The following RELN variants were observed in gnomAD, a reference collection of about 807,000 sequenced individuals.
RELN encodes reelin.
In RELN, 108 loss-of-function variants were observed where a neutral mutation model predicts 427.6. The observed-to-expected ratio is 0.25, with a 90% confidence interval of 0.22 to 0.30. RELN has a LOEUF of 0.30. Ranked by LOEUF, RELN falls within the 10% of genes least tolerant of loss-of-function variation. RELN has a pLI of 1.00. For missense variants in RELN, 3,715 were observed against 4,302.8 expected (o/e 0.86, Z 3.82); for synonymous variants, 1,524 against 1,513.4 (o/e 1.01, Z -0.16).
chr7:103,525,108 G>GTC (rs940900310), intron 46 of RELN, among the ~76,000 whole-genome samples: 2 of 151,846 alleles, frequency 1.3e-5, no homozygotes, highest in Admixed American at 6.6e-5. Context: ...CTCTGTCTCT[G>GTC]TCTCTCTCTC....
intron 42 of RELN, among the ~76,000 whole-genome samples, chr7:103,544,431 T>C (rs1255291098): frequency 6.6e-6 from 1 of 151,838 alleles, no homozygotes; most frequent in Non-Finnish European, 1.5e-5. Flanking sequence ...TTCACCACGT[T>C]GGCCAGGCTG....
At chr7:103,492,756 G>A (rs1006779160) in intron 57 of RELN, among the ~76,000 whole-genome samples, 2 of 152,192 alleles carry the variant, frequency 1.3e-5, no homozygotes, top group South Asian at 2.1e-4. Flanking sequence ...AAAGGAGATA[G>A]TATTTGATTC....
chr7:103,895,903 G>T (rs2116604683), intron 2 of RELN, among the ~76,000 whole-genome samples: 1 of 152,032 alleles, frequency 6.6e-6, no homozygotes, highest in African/African-American at 2.4e-5. Context: ...AAAAGAATAG[G>T]CAAGCCATGA....
chr7:103,481,029 G>T (rs1051281575), intron 63 of RELN, among the ~76,000 whole-genome samples: 5 of 152,174 alleles, frequency 3.3e-5, no homozygotes, highest in African/African-American at 1.2e-4. Flanking sequence ...GGTGCTGTGT[G>T]CTGAGGCTTC....
chr7:103,605,231 G>A (rs564082972), intron 22 of RELN, among the ~76,000 whole-genome samples: 16 of 152,276 alleles, frequency 1.1e-4, no homozygotes, highest in Middle Eastern at 6.8e-3. Flanking sequence ...CAGCTAGTTC[G>A]TAATATAAGA....
In RELN at chr7:103,572,245, A is replaced by G; in HGVS notation, c.4527T>C (p.Tyr1509=). 2 of 1,574,536 alleles carry G rather than the reference A, an allele frequency of 1.3e-6. No individual in the cohort carries two copies. The highest frequency in any genetic ancestry group is 2.2e-5 in the East Asian group (1 of 44,628). Residue 1509 remains tyrosine, a synonymous_variant, in exon 31 of 65, where the codon TAT becomes TAC. Coordinates refer to ENST00000428762, the MANE Select transcript of RELN (RefSeq NM_005045.4). The stretch of plus-strand genomic sequence containing the variant: ...CTGAAGTTTTGCTTCCAATTTGTAT[A>G]TAAAATTGAACAAGTCTGGGGAATA... ...DTRNIRLVQF[Y]IQIGSKTSGI...
rs993611049 is a variant in RELN, at chr7:103,603,784, G to C, written c.3147-294C>G. On this transcript the variant is annotated intron_variant, in intron 23 of 64. Transcript: ENST00000428762. The surrounding 1 kb of genome is among the most constrained non-coding windows in gnomAD (Gnocchi z 4.3). Reference sequence around the variant, plus strand: ...TGTGCTTATGTGAGTGTGTGTTTGTGGGGGGCTGAGGGATAGTGGGATTTC... The same window carrying C: ...TGTGCTTATGTGAGTGTGTGTTTGTCGGGGGCTGAGGGATAGTGGGATTTC... Among the ~76,000 whole-genome samples the C allele has an allele frequency of 6.6e-6, 1 of 152,138 alleles. No homozygotes were observed. Among genetic ancestry groups the C allele is most frequent in the South Asian group, 2.1e-4 (1 of 4,828 alleles).
intron 6 of RELN, among the ~76,000 whole-genome samples, chr7:103,743,524 C>A (rs202134710): frequency 6.6e-6 from 1 of 152,088 alleles, no homozygotes; most frequent in Non-Finnish European, 1.5e-5. Context: ...ACCCATCTCA[C>A]GTGCAGAGAC....
intron 2 of RELN, among the ~76,000 whole-genome samples, chr7:103,846,058 C>G (rs1793667347): frequency 6.6e-6 from 1 of 151,980 alleles, no homozygotes; most frequent in Admixed American, 6.6e-5. Flanking sequence ...TTGACTTTCT[C>G]CACAGAATTA....
chr7:103,733,920 C>T (rs1790425568), intron 6 of RELN, among the ~76,000 whole-genome samples: 1 of 128,974 alleles, frequency 7.8e-6, no homozygotes, highest in Admixed American at 7.8e-5. Flanking sequence ...TGCACATGTA[C>T]CCTAAAACTT....
chr7:103,582,834 G>A (rs952628099), intron 28 of RELN, among the ~76,000 whole-genome samples: 6 of 152,186 alleles, frequency 3.9e-5, no homozygotes, highest in African/African-American at 1.2e-4. Flanking sequence ...GATAGGTTAT[G>A]TTGCGGCAAC....
intron 11 of RELN, among the ~76,000 whole-genome samples, chr7:103,669,760 G>C (rs1027053039): frequency 5.3e-5 from 8 of 152,032 alleles, no homozygotes; most frequent in Non-Finnish European, 8.8e-5. Flanking sequence ...AGGAAATGCA[G>C]TTCTATGTGA....
intron 10 of RELN, among the ~76,000 whole-genome samples, chr7:103,692,315 G>C (rs1005076042): frequency 6.6e-6 from 1 of 152,118 alleles, no homozygotes; most frequent in East Asian, 1.9e-4. Flanking sequence ...GTGAGCCCCA[G>C]CTTTGGTGAA....
chr7:103,750,039 G>A (rs1186325733), intron 5 of RELN, among the ~76,000 whole-genome samples: 1 of 152,200 alleles, frequency 6.6e-6, no homozygotes, highest in Non-Finnish European at 1.5e-5. Context: ...CAGTGCAGCG[G>A]CATGATCTTG....
intron 4 of RELN, among the ~76,000 whole-genome samples, chr7:103,756,989 G>A (rs765628581): frequency 6.6e-6 from 1 of 152,056 alleles, no homozygotes; most frequent in Non-Finnish European, 1.5e-5. Flanking sequence ...GTTTTATGTA[G>A]TCTAAACAAA....
chr7:103,682,978 G>A (rs1486143226), intron 10 of RELN, among the ~76,000 whole-genome samples: 1 of 151,986 alleles, frequency 6.6e-6, no homozygotes, highest in Non-Finnish European at 1.5e-5. Flanking sequence ...ATCAAACTTT[G>A]GAGATAGTAA....
At chr7:103,680,797 C>T (rs1435288684) in intron 11 of RELN, among the ~76,000 whole-genome samples, 1 of 152,004 alleles carries the variant, frequency 6.6e-6, no homozygotes, top group Non-Finnish European at 1.5e-5. Context: ...CTGTACTGCA[C>T]ATGAAACTTC....
At chr7:103,873,244 G>A (rs1367730453) in intron 2 of RELN, among the ~76,000 whole-genome samples, 2 of 143,734 alleles carry the variant, frequency 1.4e-5, no homozygotes, top group Non-Finnish European at 3.1e-5. Context: ...ATGCCCACAA[G>A]AGAAAGCAGG....
intron 8 of RELN, among the ~76,000 whole-genome samples, chr7:103,710,821 G>A (rs1584426200): frequency 1.3e-5 from 2 of 152,196 alleles, no homozygotes; most frequent in African/African-American, 4.8e-5. Context: ...TGAGGTTGGT[G>A]GATCACGATG....
Sources: gnomAD v4.1 joint callset for allele counts (sites outside exome capture counted in the v4.1 genomes callset) on GRCh38, gnomAD v4.1.1 for gene constraint, Gnocchi (gnomAD v3.1) non-coding constraint, MANE v1.5 for transcripts, NCBI Gene and HGNC (gene_info 2026-07-23, HGNC 2026-07-21) for gene names.